Variants in CBLB observed in about 807,000 individuals in gnomAD.
CBLB encodes the protein Cbl proto-oncogene B, also known as E3 ubiquitin-protein ligase CBL-B.
In CBLB, 31 loss-of-function variants were observed where a neutral mutation model predicts 104.9. That is an observed-to-expected ratio of 0.30 (90% CI 0.22 to 0.40). The LOEUF (loss-of-function observed/expected upper bound fraction) is 0.40, where lower values mean the gene tolerates loss of function less well. CBLB is among the 10% of genes least tolerant of loss of function. CBLB has a pLI of 1.00. For missense variants in CBLB, 1,062 were observed against 1,214.6 expected (o/e 0.87, Z 1.87); for synonymous variants, 440 against 422.6 (o/e 1.04, Z -0.51).
chr3:105,699,655 G>A (rs2068824136), intron 12 of CBLB, among the ~76,000 whole-genome samples: 1 of 152,066 alleles, frequency 6.6e-6, no homozygotes, highest in African/African-American at 2.4e-5. Context: ...GAGGAATTAG[G>A]CCTTTTCTAA....
At chr3:105,826,094 C>T (rs1289865044) in intron 3 of CBLB, among the ~76,000 whole-genome samples, 3 of 152,314 alleles carry the variant, frequency 2.0e-5, no homozygotes, top group East Asian at 3.9e-4. Flanking sequence ...CAGCATGACA[C>T]GGCTCCAGCA....
At position 105,748,358 on chromosome 3, in the gene CBLB, A is replaced by G. The variant is rs1396561784; in HGVS notation, c.724-2320T>C. Among the ~76,000 whole-genome samples, 5 of 152,144 alleles carry G rather than the reference A, an allele frequency of 3.3e-5. No individual in the cohort carries two copies. The East Asian group carries it at 9.6e-4, about 29-fold the overall frequency. On this transcript the variant is annotated intron_variant, in intron 5 of 18. Coordinates refer to ENST00000394030, the MANE Select transcript of CBLB (RefSeq NM_170662.5). ...CTATAATTCTTTACTACAACTGAGG[A>G]CTTTCCTCTTCTTTGATTTTCCTCA...
intron 3 of CBLB, among the ~76,000 whole-genome samples, chr3:105,811,054 T>C (rs1312892506): frequency 6.6e-6 from 1 of 152,178 alleles, no homozygotes; most frequent in Non-Finnish European, 1.5e-5. Flanking sequence ...TGTATGTGAT[T>C]AAAAGCATTT....
At chr3:105,839,986 C>A (rs866390504) in intron 3 of CBLB, among the ~76,000 whole-genome samples, 2 of 152,114 alleles carry the variant, frequency 1.3e-5, no homozygotes, top group Non-Finnish European at 2.9e-5. Flanking sequence ...GTAAATGAGA[C>A]CCAGCTGACC....
At chr3:105,733,948 C>G in intron 9 of CBLB, 61 bp downstream of exon 9, 2 of 1,516,784 alleles carry the variant, frequency 1.3e-6, no homozygotes, top group Non-Finnish European at 1.8e-6. Context: ...ATTAAGAAAA[C>G]TGAAAAGAGA....
rs1174884054 is a variant in CBLB at position 105,681,824 on chromosome 3, G to C, written c.2202-6C>G. 1 of 1,539,990 alleles carries C rather than the reference G, an allele frequency of 6.5e-7. No homozygotes were observed. The highest frequency in any genetic ancestry group is 9.0e-7 in the Non-Finnish European group (1 of 1,113,816). ...AGTGACCATTATCACAAGACCTAAA[G>C]GACAGTTCAGAGTAAAATTATATAA... On this transcript the variant is annotated splice_polypyrimidine_tract_variant and splice_region_variant and intron_variant, in intron 14 of 18. Coordinates refer to ENST00000394030, the MANE Select transcript of CBLB (RefSeq NM_170662.5).
At chr3:105,831,466 C>A (rs901404542) in intron 3 of CBLB, among the ~76,000 whole-genome samples, 3 of 152,176 alleles carry the variant, frequency 2.0e-5, no homozygotes, top group African/African-American at 4.8e-5. Flanking sequence ...GAAATGAGAA[C>A]CTGAAGCATC....
At chr3:105,777,895 C>G (rs564886660) in intron 3 of CBLB, among the ~76,000 whole-genome samples, 4 of 152,104 alleles carry the variant, frequency 2.6e-5, no homozygotes, top group Non-Finnish European at 4.4e-5. Context: ...TTCAATATTA[C>G]GTTAATCGGC....
chr3:105,758,718 C>T (rs1013364121), intron 4 of CBLB, among the ~76,000 whole-genome samples: 5 of 152,216 alleles, frequency 3.3e-5, no homozygotes, highest in Admixed American at 1.3e-4. Context: ...GGCACCAGCA[C>T]AGGCACCGGC....
At chr3:105,803,702 T>G (rs542234988) in intron 3 of CBLB, among the ~76,000 whole-genome samples, 2 of 152,130 alleles carry the variant, frequency 1.3e-5, no homozygotes, top group Non-Finnish European at 2.9e-5. Flanking sequence ...ATCAAAATAA[T>G]TTGGAAGTTG....
chr3:105,793,759 C>T (rs1404511762), intron 3 of CBLB, among the ~76,000 whole-genome samples: 6 of 152,100 alleles, frequency 3.9e-5, no homozygotes, highest in East Asian at 1.9e-4. Flanking sequence ...CAGGAAAATC[C>T]GAGGTGTAGC....
chr3:105,722,198 CAAAAAA>C (rs5851468), intron 9 of CBLB, among the ~76,000 whole-genome samples: 2 of 84,416 alleles, frequency 2.4e-5, no homozygotes, highest in Admixed American at 3.0e-4. Flanking sequence ...GACCCCGTGC[CAAAAAA>C]AAAAAAAAAA....
At chr3:105,852,745 AT>A (rs796358593) in intron 3 of CBLB, among the ~76,000 whole-genome samples, 194 of 145,744 alleles carry the variant, frequency 1.3e-3, no homozygotes, top group Middle Eastern at 3.5e-3. Context: ...TTTATACAGT[AT>A]TTTTTTTTTT....
chr3:105,704,853 G>A (rs757284396), intron 10 of CBLB, among the ~76,000 whole-genome samples: 1 of 152,078 alleles, frequency 6.6e-6, no homozygotes, highest in Non-Finnish European at 1.5e-5. Flanking sequence ...AGATAAAGTA[G>A]CATCGAAAAG....
chr3:105,848,848 AC>A (rs2090597855), intron 3 of CBLB, among the ~76,000 whole-genome samples: 1 of 152,114 alleles, frequency 6.6e-6, no homozygotes, highest in Non-Finnish European at 1.5e-5. Context: ...ATTCCCAGTA[AC>A]CAGCGTTGTC....
intron 18 of CBLB, among the ~76,000 whole-genome samples, chr3:105,665,408 A>AT (rs1553700056): frequency 0.03 from 1,521 of 50,748 alleles, 10 homozygotes; most frequent in South Asian, 0.069. Flanking sequence ...TAAATAAATA[A>AT]ATAAATAAAT....
At chr3:105,665,939 C>G (rs967131322) in intron 18 of CBLB, among the ~76,000 whole-genome samples, 1 of 151,194 alleles carries the variant, frequency 6.6e-6, no homozygotes, top group African/African-American at 2.4e-5. Context: ...TGAGGCAGAA[C>G]TGCTTAAACC....
At chr3:105,676,322 A>G (rs111537641) in intron 17 of CBLB, among the ~76,000 whole-genome samples, 2,668 of 152,312 alleles carry the variant, frequency 0.018, 70 homozygotes, top group African/African-American at 0.06. Context: ...GATTTTATAT[A>G]AAAGGAAATG....
chr3:105,657,692 A>C lies in CBLB; in HGVS notation c.*1278T>G, dbSNP rs1401328091. ...TAATAACATGGTGTTTAAAGAACCA[A>C]CCACCATTTTGTAAAATAGGCAAAA... On this transcript the variant is annotated 3_prime_UTR_variant, in exon 19 of 19. Transcript: ENST00000394030. 9.7e-6 allele frequency: 2 copies of C among 205,288 alleles called. No homozygotes were observed. Among genetic ancestry groups the C allele is most frequent in the Non-Finnish European group, 2.0e-5 (2 of 100,492 alleles). 12.7% of individuals were successfully genotyped at this position (205,288 alleles called of 1,614,324 possible).
Sources: gnomAD v4.1 joint callset for allele counts (sites outside exome capture counted in the v4.1 genomes callset) on GRCh38, gnomAD v4.1.1 for gene constraint, MANE v1.5 for transcripts, NCBI Gene and HGNC (gene_info 2026-07-23, HGNC 2026-07-21) for gene names.